Variants in UTP14A observed in about 807,000 individuals in gnomAD.
UTP14A encodes U3 small nucleolar RNA-associated protein 14 homolog A.
UTP14A carries 5 observed loss-of-function variants against 57.2 expected under a neutral mutation model. That is an observed-to-expected ratio of 0.09 (90% CI 0.05 to 0.18). The LOEUF (loss-of-function observed/expected upper bound fraction) is 0.18. Ranked by LOEUF, UTP14A falls within the 10% of genes least tolerant of loss-of-function variation. UTP14A has a pLI of 1.00. For synonymous variants in UTP14A, 169 were observed against 210.9 expected (o/e 0.80, Z 1.72); for missense variants, 430 against 562.1 (o/e 0.76, Z 2.38).
rs761256747 is a variant in UTP14A, at chrX:129,929,510, C to T, written c.2218C>T (p.Arg740Trp). The T allele has an allele frequency of 7.4e-6, 9 of 1,209,589 alleles. No homozygotes were observed. Among genetic ancestry groups the T allele is most frequent in the Admixed American group, 2.2e-5 (1 of 45,685 alleles). Reference sequence around the variant, plus strand: ...CATAAAAGCAGAAGACGTGGGCTACCGGTCTTCCTCAAGGTCGGACCTGTC... The same window carrying T: ...CATAAAAGCAGAAGACGTGGGCTACTGGTCTTCCTCAAGGTCGGACCTGTC... Reference protein sequence around the residue: ...NPIKAEDVGYRSSSRSDLSVI... With the variant: ...NPIKAEDVGYWSSSRSDLSVI... Residue 740 changes from arginine (R) to tryptophan (W), a missense_variant, in exon 15 of 15, where the codon CGG (arginine) becomes TGG (tryptophan). Physicochemically the swap from Arg to Trp is moderately radical, Grantham distance 101 (BLOSUM62 -3). Around this residue, in one of 4 missense-constraint regions of UTP14A, gnomAD observed 82 missense variants for 151.4 expected, o/e 0.54. Transcript: ENST00000394422.
At chrX:129,922,989 C>T (rs1177181402) in intron 11 of UTP14A, 1 of 111,211 alleles carries the variant, frequency 9.0e-6, no homozygotes, top group Non-Finnish European at 1.9e-5. Flanking sequence ...ATGTGCAGAG[C>T]GGCTGACTGT....
chrX:129,925,942 T>C lies in UTP14A; in HGVS notation c.1773T>C (p.His591=). ...EELEDEEERN[H]RQMIKEAFAG... is the part of the protein sequence containing the mutation. Reference sequence around the variant, plus strand: ...AGGAAGATGAAGAGGAGAGAAACCATAGGCAGATGATAAAGGAAGCTTTTG... The same window carrying C: ...AGGAAGATGAAGAGGAGAGAAACCACAGGCAGATGATAAAGGAAGCTTTTG... The change falls in exon 13 of 15, where the codon CAT becomes CAC. Residue 591 remains histidine, a synonymous_variant. Coordinates refer to ENST00000394422, the MANE Select transcript of UTP14A (RefSeq NM_006649.4). 1 of 1,211,014 alleles carries C rather than the reference T, an allele frequency of 8.3e-7. No homozygotes were observed. The highest frequency in any genetic ancestry group is 1.1e-6 in the Non-Finnish European group (1 of 895,391).
At chrX:129,927,273 G>T (rs192141472) in intron 14 of UTP14A, among the ~76,000 whole-genome samples, 45 of 111,398 alleles carry the variant, frequency 4.0e-4, no homozygotes, top group Admixed American at 6.7e-4. Flanking sequence ...CCAACATGCA[G>T]TAGAATAAAG....
In UTP14A at chrX:129,907,957, AAAAT is replaced by A. The variant is rs762393611; in HGVS notation, c.103-88_103-85del. On this transcript the variant is annotated intron_variant, in intron 2 of 14. Coordinates refer to ENST00000394422, the MANE Select transcript of UTP14A (RefSeq NM_006649.4). ...GGCAACAGAGCGAGACGCCGTCTCA[AAAAT>A]AAATAAATAAATAACAAGAGATTTT... 6.5e-4 allele frequency: 497 copies of A among 763,012 alleles called. 1 individual carries two copies. In the African/African-American group the frequency reaches 7.4e-3, roughly 11 times the overall value. 62.9% of individuals were successfully genotyped at this position (763,012 alleles called of 1,213,427 possible).
rs750888656 is a variant in UTP14A, at chrX:129,920,590, C to T, written c.876+10C>T. ...AAAGGCCAGAATGATGGTGAGACTA[C>T]CTCTTGCCCCACCCCCACCCCTTTG... On this transcript the variant is annotated intron_variant, in intron 9 of 14. Transcript: ENST00000394422. The T allele has an allele frequency of 8.3e-7, 1 of 1,211,021 alleles. No individual in the cohort carries two copies. Among genetic ancestry groups the T allele is most frequent in the Non-Finnish European group, 1.1e-6 (1 of 895,083 alleles).
chrX:129,925,630 T>C (rs1364832519), intron 12 of UTP14A, among the ~76,000 whole-genome samples: 1 of 112,480 alleles, frequency 8.9e-6, no homozygotes, highest in Non-Finnish European at 1.9e-5. Context: ...GCCTACAGTC[T>C]GGCCACTTAG....
chrX:129,913,256 G>A (rs758772421), intron 6 of UTP14A: 1 of 277,907 alleles, frequency 3.6e-6, no homozygotes, highest in Non-Finnish European at 7.1e-6. Flanking sequence ...TGCTTATTAT[G>A]GGGATAAGCT....
At chrX:129,913,647 T>C (rs1929563298) in intron 6 of UTP14A, among the ~76,000 whole-genome samples, 1 of 112,008 alleles carries the variant, frequency 8.9e-6, no homozygotes, top group African/African-American at 3.2e-5. Flanking sequence ...AATGACAGTG[T>C]AATCTTGGAG....
chrX:129,910,499 A>G (rs1191481939), intron 4 of UTP14A, among the ~76,000 whole-genome samples: 1 of 111,432 alleles, frequency 9.0e-6, no homozygotes, highest in Non-Finnish European at 1.9e-5. Context: ...GGCCTGGGCA[A>G]CATGGCAAAA....
chrX:129,922,349 G>A (rs1400390808), intron 11 of UTP14A: 1 of 112,319 alleles, frequency 8.9e-6, no homozygotes, highest in East Asian at 2.8e-4. Flanking sequence ...ACCAGGTCTG[G>A]TTTGGTTTCA....
intron 5 of UTP14A, 134 bp downstream of exon 5, chrX:129,911,284 T>A: frequency 1.1e-6 from 1 of 907,008 alleles, no homozygotes. Flanking sequence ...TGGATAAGAT[T>A]AAAAATAATC....
chrX:129,911,306 G>A (rs775695531), intron 5 of UTP14A, among the ~76,000 whole-genome samples, 156 bp downstream of exon 5: 114 of 111,284 alleles, frequency 1.0e-3, no homozygotes, highest in Non-Finnish European at 1.8e-3. Context: ...AGGAGTGCCA[G>A]GCGCGGTGGC....
Position 129,909,418 on chromosome X carries a change from C to T in UTP14A, c.238+684C>T, listed in dbSNP as rs185966789. On this transcript the variant is annotated intron_variant, in intron 4 of 14. Transcript: ENST00000394422. The stretch of plus-strand genomic sequence containing the variant: ...TAGAGACGGGGTTTCACCGTGTTAG[C>T]CAGGATGGTCTGGATCTCCTGACCT... Among the ~76,000 whole-genome samples, 83 of 110,635 alleles carry T rather than the reference C, an allele frequency of 7.5e-4. 1 individual carries two copies. Among genetic ancestry groups the T allele is most frequent in the African/African-American group, 2.7e-3 (81 of 30,492 alleles).
chrX:129,911,733 G>T (rs769021412), intron 5 of UTP14A, 33 bp from the exon 6 acceptor site: 2 of 1,202,688 alleles, frequency 1.7e-6, no homozygotes. Flanking sequence ...TAATCTTGTG[G>T]CTCTTTCCGT....
At chrX:129,929,270 T>G in intron 14 of UTP14A, 66 bp from the exon 15 acceptor site, 1 of 1,142,180 alleles carries the variant, frequency 8.8e-7, no homozygotes, top group Non-Finnish European at 1.2e-6. Context: ...TGATGAAAGC[T>G]GCCATTACAG....
chrX:129,923,791 T>C (rs1407333834), intron 11 of UTP14A, among the ~76,000 whole-genome samples: 1 of 110,945 alleles, frequency 9.0e-6, no homozygotes, highest in Non-Finnish European at 1.9e-5. Context: ...ACAATGAAGT[T>C]ACATTGAGAA....
intron 3 of UTP14A, 22 bp from the exon 4 acceptor site, chrX:129,908,648 A>T (rs781048410): frequency 8.3e-7 from 1 of 1,201,876 alleles, no homozygotes; most frequent in East Asian, 3.0e-5. Flanking sequence ...CATTCCTATT[A>T]TATCGTTTTG....
intron 6 of UTP14A, among the ~76,000 whole-genome samples, chrX:129,916,814 CTG>C (rs770718225): frequency 2.7e-5 from 3 of 111,682 alleles, no homozygotes; most frequent in African/African-American, 9.7e-5. Context: ...ACTCCTTTCC[CTG>C]TGTCTGTGTT....
rs755110268 is a variant in UTP14A at position 129,916,533 on chromosome X, G to T, written c.538-2642G>T. Among the ~76,000 whole-genome samples the T allele has an allele frequency of 2.0e-4, 22 of 111,395 alleles. No individual in the cohort carries two copies. In the South Asian group the frequency reaches 3.0e-3, roughly 15 times the overall value. ...CCCTCTCCGCCAGCTTATACAGGGGGCTAGACCTGCAAATTCTGTCTCTGT... is the reference window on the plus strand; with the variant it reads ...CCCTCTCCGCCAGCTTATACAGGGGTCTAGACCTGCAAATTCTGTCTCTGT... On this transcript the variant is annotated intron_variant, in intron 6 of 14. Transcript: ENST00000394422.
Sources: allele counts gnomAD v4.1 joint callset (sites outside exome capture counted in the v4.1 genomes callset), GRCh38; gene constraint gnomAD v4.1.1; regional missense constraint gnomAD v4.1.1; transcripts MANE v1.5; gene names NCBI Gene and HGNC (gene_info 2026-07-23, HGNC 2026-07-21).